The following XPO5 variants were observed in gnomAD, a reference collection of about 807,000 sequenced individuals.
The protein encoded by XPO5 is exportin 5.
XPO5 carries 46 observed loss-of-function variants against 160.6 expected under a neutral mutation model. The observed-to-expected ratio is 0.29, with a 90% CI of 0.23 to 0.37. XPO5 has a LOEUF of 0.37. XPO5 is among the 10% of genes least tolerant of loss of function. The pLI is 1.00. For missense variants in XPO5, 1,090 were observed against 1,463.9 expected (o/e 0.74, Z 4.17); for synonymous variants, 537 against 519.3 (o/e 1.03, Z -0.46).
At chr6:43,569,325 T>A (rs1293799067) in intron 5 of XPO5, among the ~76,000 whole-genome samples, 1 of 150,914 alleles carries the variant, frequency 6.6e-6, no homozygotes, top group Non-Finnish European at 1.5e-5. Flanking sequence ...AAAATACATA[T>A]ATATATGATG....
rs1393033304 is a variant in XPO5, at chr6:43,526,122, A to C, written c.2984-201T>G. On this transcript the variant is annotated intron_variant, in intron 27 of 31. Transcript: ENST00000265351. The stretch of plus-strand genomic sequence containing the variant: ...TAGAGATGCACTCAAGCTGTACATG[A>C]GGGAAATGGGAGCTTCTAGGCAGAA... The C allele has an allele frequency of 1.1e-5, 6 of 568,644 alleles. No individual in the cohort carries two copies. The Admixed American group carries it at 1.9e-4, about 18-fold the overall frequency. 35.2% of individuals were successfully genotyped at this position (568,644 alleles called of 1,614,324 possible).
At chr6:43,530,928 G>A in intron 22 of XPO5, 104 bp from the exon 23 acceptor site, 3 of 1,384,378 alleles carry the variant, frequency 2.2e-6, no homozygotes, top group Non-Finnish European at 2.9e-6. Flanking sequence ...AGGTTTTTCA[G>A]CCAGAAGAGC....
In XPO5 at chr6:43,523,754, C is replaced by T. The variant is rs1377102230; in HGVS notation, c.*114G>A. 6.4e-7 allele frequency: 1 copy of T among 1,560,598 alleles called. No homozygotes were observed. The highest frequency in any genetic ancestry group is 8.8e-7 in the Non-Finnish European group (1 of 1,132,094). On this transcript the variant is annotated 3_prime_UTR_variant, in exon 32 of 32. Coordinates refer to ENST00000265351, the MANE Select transcript of XPO5 (RefSeq NM_020750.3). ...CCAGCTCCAGACCTGGATCTCTTTC[C>T]AGGCTGACAGTGGTGGAAAGTGAGG...
intron 3 of XPO5, among the ~76,000 whole-genome samples, chr6:43,571,845 CATTCTGCATACTTAAA>C (rs1357061912): frequency 1.3e-5 from 2 of 151,618 alleles, no homozygotes; most frequent in Non-Finnish European, 2.9e-5. Flanking sequence ...GAAACAAATT[CATTCTGCATACTTAAA>C]ATTCTGCATG....
chr6:43,529,289 TC>T (rs1009649441), intron 23 of XPO5: 59 of 1,266,546 alleles, frequency 4.7e-5, no homozygotes, highest in Non-Finnish European at 5.4e-5. Flanking sequence ...ACACCTGTAA[TC>T]CCAGCACTTT....
At chr6:43,550,718 TCAAA>T (rs1201199097) in intron 15 of XPO5, among the ~76,000 whole-genome samples, 2 of 152,248 alleles carry the variant, frequency 1.3e-5, no homozygotes, top group African/African-American at 4.8e-5. Context: ...TACATATTCT[TCAAA>T]CACAGTATTC....
chr6:43,574,708 AG>A (rs1763203988), intron 1 of XPO5, among the ~76,000 whole-genome samples: 1 of 152,178 alleles, frequency 6.6e-6, no homozygotes, highest in Admixed American at 6.5e-5. Context: ...GCAGGGAGAG[AG>A]GATAGGCGGT....
At chr6:43,536,482 G>C (rs1001208991) in intron 20 of XPO5, among the ~76,000 whole-genome samples, 2 of 151,336 alleles carry the variant, frequency 1.3e-5, no homozygotes, top group Non-Finnish European at 2.9e-5. Context: ...ACTTTGGCCA[G>C]ATGCGGTGGC....
intron 8 of XPO5, among the ~76,000 whole-genome samples, chr6:43,563,984 A>G (rs1762555053): frequency 6.6e-6 from 1 of 152,136 alleles, no homozygotes; most frequent in Admixed American, 6.5e-5. Flanking sequence ...GTGCAGGGGC[A>G]CAATCCTGGC....
chr6:43,567,317 T>C lies in XPO5; in HGVS notation c.686A>G (p.Asn229Ser), dbSNP rs1762745384. 2 of 1,612,436 alleles carry C rather than the reference T, an allele frequency of 1.2e-6. No homozygotes were observed. The highest frequency in any genetic ancestry group is 3.4e-5 in the Admixed American group (2 of 59,614). The change falls in exon 7 of 32, where the codon AAT (asparagine) becomes AGT (serine). Residue 229 changes from asparagine (N) to serine (S), a missense_variant. Transcript: ENST00000265351. ...ANCRVGVAAL[N>S]TLAGYIDWVS... ...CCAGTCAATATAGCCTGCTAGAGTA[T>C]TCAGTGCTGCAACTCCTACTCGACA...
intron 20 of XPO5, among the ~76,000 whole-genome samples, chr6:43,535,387 C>G (rs548620319): frequency 2.6e-5 from 4 of 151,926 alleles, no homozygotes; most frequent in African/African-American, 9.7e-5. Context: ...GTCAGGAGTT[C>G]AAGACCAGCC....
intron 13 of XPO5, 93 bp from the exon 14 acceptor site, chr6:43,553,596 C>A (rs541644478): frequency 6.9e-5 from 101 of 1,467,068 alleles, no homozygotes; most frequent in African/African-American, 5.8e-4. Flanking sequence ...GACAATGGAG[C>A]CTTAGAGAAC....
At chr6:43,575,662 G>A (rs772895943) in intron 1 of XPO5, 98 bp downstream of exon 1, 2 of 1,112,384 alleles carry the variant, frequency 1.8e-6, no homozygotes, top group Admixed American at 2.2e-5. Context: ...TCCAGGGGCC[G>A]CGTGGGCGGG....
chr6:43,545,792 C>G (rs1250976235), intron 20 of XPO5, among the ~76,000 whole-genome samples: 1 of 151,928 alleles, frequency 6.6e-6, no homozygotes, highest in Admixed American at 6.6e-5. Context: ...TATAAAAAAA[C>G]CTATCTTTTC....
chr6:43,526,376 A>T (rs1295736224), intron 27 of XPO5: 2 of 450,232 alleles, frequency 4.4e-6, no homozygotes, highest in East Asian at 3.9e-5. Context: ...AATACAGAGT[A>T]GCTGGGGTTG....
In XPO5 at chr6:43,543,569, G is replaced by A. The variant is rs116621861; in HGVS notation, c.2342+3002C>T. ...GGTAAAGTTGCTTCTTGATCTGAGT[G>A]CTGATTACATGAATGTGTCCACTTT... On this transcript the variant is annotated intron_variant, in intron 20 of 31. Coordinates refer to ENST00000265351, the MANE Select transcript of XPO5 (RefSeq NM_020750.3). 2.6e-3 allele frequency among the ~76,000 whole-genome samples: 392 copies of A among 152,234 alleles called. 3 individuals are homozygous for A. The highest frequency in any genetic ancestry group is 8.8e-3 in the African/African-American group (366 of 41,538).
chr6:43,572,517 G>A lies in XPO5; in HGVS notation c.289C>T (p.Leu97=). The A allele has an allele frequency of 6.2e-7, 1 of 1,613,740 alleles. No homozygotes were observed. The highest frequency in any genetic ancestry group is 8.5e-7 in the Non-Finnish European group (1 of 1,179,834). ...CACCCATTCCTTACATTTGCAATCA[G>A]CTCCATGACACTGTTCTTCAGATAC... ...KVYLKNSVME[L]IANGTLNILE... is the part of the protein sequence containing the mutation. The change falls in exon 3 of 32, where the codon CTG becomes TTG. Residue 97 remains leucine, a synonymous_variant. Coordinates refer to ENST00000265351, the MANE Select transcript of XPO5 (RefSeq NM_020750.3).
intron 3 of XPO5, among the ~76,000 whole-genome samples, chr6:43,571,803 CAAAAA>C (rs1038939431): frequency 8.0e-6 from 1 of 124,660 alleles, no homozygotes. Flanking sequence ...GACTCTGTCT[CAAAAA>C]AAAAAAAAAG....
At chr6:43,533,529 C>T (rs1322039148) in intron 21 of XPO5, 1 of 169,124 alleles carries the variant, frequency 5.9e-6, no homozygotes, top group East Asian at 1.6e-4. Flanking sequence ...GGAAGAAGCA[C>T]AAGATAGGCT....
Sources: allele counts gnomAD v4.1 joint callset (sites outside exome capture counted in the v4.1 genomes callset), GRCh38; gene constraint gnomAD v4.1.1; transcripts MANE v1.5; gene names NCBI Gene and HGNC (gene_info 2026-07-23, HGNC 2026-07-21).